Variants in ERBB4 observed in about 807,000 individuals in gnomAD.
ERBB4 encodes erb-b2 receptor tyrosine kinase 4.
In ERBB4, 42 loss-of-function variants were observed where a neutral mutation model predicts 158.0. The ratio of observed to expected loss-of-function variants is 0.27; its 90% CI spans 0.21 to 0.34. The LOEUF is 0.34. Among genes scored for constraint, ERBB4 ranks in the 10% least tolerant of loss-of-function variants. The pLI is 1.00. For missense variants in ERBB4, 1,333 were observed against 1,624.1 expected (o/e 0.82, Z 3.08); for synonymous variants, 583 against 558.7 (o/e 1.04, Z -0.61).
chr2:212,314,431 TAAAAA>T (rs559108517), intron 1 of ERBB4, among the ~76,000 whole-genome samples: 1 of 148,616 alleles, frequency 6.7e-6, no homozygotes, highest in African/African-American at 2.5e-5. Context: ...GGTATTACAT[TAAAAA>T]AAAAAAGAAA....
chr2:211,597,335 C>A (rs375467482), intron 19 of ERBB4, among the ~76,000 whole-genome samples: 6 of 152,232 alleles, frequency 3.9e-5, no homozygotes, highest in African/African-American at 1.4e-4. Flanking sequence ...CTTAACCAGA[C>A]CATCATTTGT....
At chr2:211,955,200 T>A (rs1393962183) in intron 2 of ERBB4, among the ~76,000 whole-genome samples, 2 of 152,056 alleles carry the variant, frequency 1.3e-5, no homozygotes, top group Non-Finnish European at 2.9e-5. Context: ...TTCCAGCTAG[T>A]CTCTTGGGTG....
intron 3 of ERBB4, among the ~76,000 whole-genome samples, chr2:211,888,103 C>T (rs2106172357): frequency 6.6e-6 from 1 of 152,214 alleles, no homozygotes; most frequent in African/African-American, 2.4e-5. Flanking sequence ...GGACTTTTTC[C>T]TTTTTTGCTA....
intron 1 of ERBB4, among the ~76,000 whole-genome samples, chr2:212,349,963 A>T (rs2089181842): frequency 6.6e-6 from 1 of 152,170 alleles, no homozygotes; most frequent in Non-Finnish European, 1.5e-5. Flanking sequence ...CCTTGAAAAA[A>T]ACAACTTGAT....
At chr2:212,528,420 T>C (rs1391551654) in intron 1 of ERBB4, among the ~76,000 whole-genome samples, 1 of 152,150 alleles carries the variant, frequency 6.6e-6, no homozygotes. Flanking sequence ...TTCGTATCTC[T>C]AGTCCCTCAT....
At chr2:211,500,865 G>T (rs1389132613) in intron 20 of ERBB4, among the ~76,000 whole-genome samples, 1 of 151,874 alleles carries the variant, frequency 6.6e-6, no homozygotes, top group Non-Finnish European at 1.5e-5. Flanking sequence ...GACTCCTTTG[G>T]TATAATAGGT....
At chr2:212,475,492 A>G (rs1410834277) in intron 1 of ERBB4, among the ~76,000 whole-genome samples, 2 of 152,156 alleles carry the variant, frequency 1.3e-5, no homozygotes, top group African/African-American at 4.8e-5. Context: ...TCAAATACAC[A>G]TTTCTGGTGC....
At chr2:212,426,139 G>T in intron 1 of ERBB4, 1 of 356,562 alleles carries the variant, frequency 2.8e-6, no homozygotes, top group Non-Finnish European at 5.6e-6. Context: ...TATATTACTT[G>T]TCATTGTTCT....
At chr2:211,867,026 A>C (rs1241368667) in intron 3 of ERBB4, among the ~76,000 whole-genome samples, 797 of 61,968 alleles carry the variant, frequency 0.013, 10 homozygotes, top group African/African-American at 0.042. Flanking sequence ...CTTAAAACCA[A>C]AAAAAAAAAA....
chr2:211,954,449 A>G (rs1021808584), intron 2 of ERBB4, among the ~76,000 whole-genome samples: 23 of 151,884 alleles, frequency 1.5e-4, no homozygotes, highest in African/African-American at 5.3e-4. Context: ...AACCTTCTGT[A>G]ATCAGTCAAA....
At chr2:212,206,865 G>C (rs1287547170) in intron 1 of ERBB4, among the ~76,000 whole-genome samples, 1 of 151,924 alleles carries the variant, frequency 6.6e-6, no homozygotes, top group Non-Finnish European at 1.5e-5. Context: ...TGGGATTACA[G>C]GCATGAGCCA....
chr2:211,517,280 A>G (rs1178459489), intron 20 of ERBB4, among the ~76,000 whole-genome samples: 1 of 152,142 alleles, frequency 6.6e-6, no homozygotes, highest in African/African-American at 2.4e-5. Context: ...TATCTGAAAT[A>G]GTGATAATGA....
At chr2:212,280,949 T>C (rs2085733727) in intron 1 of ERBB4, among the ~76,000 whole-genome samples, 1 of 151,664 alleles carries the variant, frequency 6.6e-6, no homozygotes, top group African/African-American at 2.4e-5. Context: ...TTGACACACT[T>C]GGTTTTGTAC....
intron 2 of ERBB4, among the ~76,000 whole-genome samples, chr2:212,038,099 T>A (rs1314878819): frequency 1.3e-5 from 2 of 152,152 alleles, no homozygotes; most frequent in Non-Finnish European, 2.9e-5. Flanking sequence ...CTTTCAGGTA[T>A]ATAGAAATAT....
intron 1 of ERBB4, among the ~76,000 whole-genome samples, chr2:212,247,246 C>T (rs62182615): frequency 0.22 from 33,915 of 151,784 alleles, 4,060 homozygotes; most frequent in African/African-American, 0.25. Context: ...ATGATTGGGA[C>T]CTGAACTAAA....
chr2:211,938,323 T>C (rs1450738115), intron 3 of ERBB4, among the ~76,000 whole-genome samples: 1 of 152,126 alleles, frequency 6.6e-6, no homozygotes, highest in Non-Finnish European at 1.5e-5. Flanking sequence ...TGCCTCAGAA[T>C]AGAATTTGAC....
intron 1 of ERBB4, among the ~76,000 whole-genome samples, chr2:212,198,733 CTTTTTTT>C (rs11448093): frequency 6.2e-5 from 6 of 96,428 alleles, no homozygotes; most frequent in Middle Eastern, 6.8e-3. Flanking sequence ...TCACCACGCC[CTTTTTTT>C]TTTTTTTTTT....
chr2:211,747,409 C>T (rs193250562), intron 5 of ERBB4, among the ~76,000 whole-genome samples: 2 of 152,124 alleles, frequency 1.3e-5, no homozygotes, highest in East Asian at 3.9e-4. Flanking sequence ...GCAGAAATCA[C>T]TTCTGGTTGA....
At chr2:212,327,895 C>CATAG (rs1204892340) in intron 1 of ERBB4, among the ~76,000 whole-genome samples, 31 of 151,114 alleles carry the variant, frequency 2.1e-4, no homozygotes, top group African/African-American at 7.3e-4. Context: ...AAAAATAAGG[C>CATAG]ATAGATACTC....
Sources: allele counts gnomAD v4.1 joint callset (sites outside exome capture counted in the v4.1 genomes callset), GRCh38; gene constraint gnomAD v4.1.1; transcripts MANE v1.5; gene names NCBI Gene and HGNC (gene_info 2026-07-23, HGNC 2026-07-21).